The following CD163 variants were observed in gnomAD, a reference collection of about 807,000 sequenced individuals.
CD163 encodes the protein scavenger receptor cysteine-rich type 1 protein M130.
In CD163, 64 loss-of-function variants were observed where a neutral mutation model predicts 129.2. That is an observed-to-expected ratio of 0.50 (90% CI 0.41 to 0.61). The LOEUF is 0.61. Ranked by LOEUF, CD163 falls within the 20% of genes least tolerant of loss-of-function variation. The pLI is 0.00. For synonymous variants in CD163, 446 were observed against 478.5 expected, an observed-to-expected ratio of 0.93 and a Z score of 0.89; for missense variants, 1,061 against 1,377.9, an observed-to-expected ratio of 0.77 and a Z score of 3.64.
chr12:7,486,931 C>A lies in CD163; in HGVS notation c.2106G>T (p.Arg702Ser). Residue 702 changes from arginine to serine, a missense_variant, in exon 9 of 17, where the codon AGG becomes AGT. Transcript: ENST00000432237. ...CAGCACTTTCTTCTGGAATGGTAGG[C>A]CTTGTTGGGCCCAAAGACGATGAAT... ...SCNSSSLGPT[R>S]PTIPEESAVA... The A allele has an allele frequency of 6.2e-7, 1 of 1,614,128 alleles. No individual in the cohort carries two copies. Among genetic ancestry groups the A allele is most frequent in the South Asian group, 1.1e-5 (1 of 91,078 alleles).
intron 14 of CD163, among the ~76,000 whole-genome samples, chr12:7,481,483 G>C (rs1949161578): frequency 6.6e-6 from 1 of 152,138 alleles, no homozygotes; most frequent in South Asian, 2.1e-4. Context: ...ACAACCCACT[G>C]TTTTTACCCA....
At chr12:7,500,034 T>C (rs1270140369) in intron 3 of CD163, among the ~76,000 whole-genome samples, 2 of 152,214 alleles carry the variant, frequency 1.3e-5, no homozygotes, top group Non-Finnish European at 2.9e-5. Flanking sequence ...GTGTTTCTCT[T>C]ATCACATCAT....
In CD163 at chr12:7,487,623, C is replaced by G. The variant is rs1223976908; in HGVS notation, c.1786G>C (p.Val596Leu). 1 of 1,614,210 alleles carries G rather than the reference C, an allele frequency of 6.2e-7. No individual in the cohort carries two copies. The highest frequency in any genetic ancestry group is 2.2e-5 in the East Asian group (1 of 44,876). Residue 596 changes from valine to leucine, a missense_variant, in exon 8 of 17, where the codon GTG (valine) becomes CTG (leucine). Transcript: ENST00000432237. The surrounding 1 kb of genome is among the most constrained non-coding windows in gnomAD (Gnocchi z 5.1). ...CAGGCACCAAGCGTTTTGAGCTCCA[C>G]TCTGCCCTCACACGGGGTCTTGCCA... ...VNGKTPCEGR[V>L]ELKTLGAWGS...
At position 7,496,296 on chromosome 12, in the gene CD163, G is replaced by A. The variant is rs1949400698; in HGVS notation, c.1099+517C>T. On this transcript the variant is annotated intron_variant, in intron 5 of 16. Transcript: ENST00000432237. This position sits in a 1 kb window ranked among gnomAD's most constrained non-coding sequence, Gnocchi z 4.8. ...GAACAATGAGAACACACGGACACAG[G>A]GAGGGGAACATCACACACTGGGGCC... Among the ~76,000 whole-genome samples, 1 of 151,978 alleles carries A rather than the reference G, an allele frequency of 6.6e-6. No homozygotes were observed. The highest frequency in any genetic ancestry group is 2.4e-5 in the African/African-American group (1 of 41,354).
chr12:7,498,748 A>T (rs1949436924), intron 4 of CD163, 120 bp downstream of exon 4: 6 of 981,928 alleles, frequency 6.1e-6, no homozygotes, highest in Non-Finnish European at 9.0e-6. Context: ...AGTTAGGTTA[A>T]AATGCGGTGA....
chr12:7,497,009 A>C lies in CD163; in HGVS notation c.903T>G (p.Ala301=). The part of the protein sequence containing the change: ...CDDGWDSYDA[A]VACKQLGCPT... ...GACATCCCAGTTGCTTGCATGCCAC[A>C]GCAGCATCGTAACTGTCCCAGCCGT... Residue 301 remains alanine, a synonymous_variant, in exon 5 of 17, where the codon GCT becomes GCG. Coordinates refer to ENST00000432237, the MANE Select transcript of CD163 (RefSeq NM_203416.4). 1.2e-6 allele frequency: 2 copies of C among 1,614,118 alleles called. No homozygotes were observed. The highest frequency in any genetic ancestry group is 1.7e-6 in the Non-Finnish European group (2 of 1,180,004).
At position 7,485,464 on chromosome 12, in the gene CD163, CAG is replaced by C; in HGVS notation, c.2459-50_2459-49del. 1 of 1,464,778 alleles carries C rather than the reference CAG, an allele frequency of 6.8e-7. No homozygotes were observed. The highest frequency in any genetic ancestry group is 9.5e-7 in the Non-Finnish European group (1 of 1,057,460). 90.7% of individuals were successfully genotyped at this position (1,464,778 alleles called of 1,614,324 possible). A position where few individuals can be genotyped will look rare whatever the true frequency, so the allele number is the denominator to read the frequency against. ...TAGTTTTGCATCTTTTCTGAAGATT[CAG>C]AGACTCCTTCCCTTTACCTTGATGT... On this transcript the variant is annotated intron_variant, in intron 10 of 16. Coordinates refer to ENST00000432237, the MANE Select transcript of CD163 (RefSeq NM_203416.4). This position sits in a 1 kb window ranked among gnomAD's most constrained non-coding sequence, Gnocchi z 4.5.
chr12:7,490,571 TC>T, intron 6 of CD163, among the ~76,000 whole-genome samples: 1 of 152,148 alleles, frequency 6.6e-6, no homozygotes, highest in East Asian at 1.9e-4. Flanking sequence ...ATACCTGCTA[TC>T]AAATATCAAC....
chr12:7,478,226 G>A (rs1949114746), intron 16 of CD163, among the ~76,000 whole-genome samples: 2 of 152,064 alleles, frequency 1.3e-5, no homozygotes, highest in South Asian at 4.2e-4. Flanking sequence ...GAATTATTGG[G>A]TCAAAGGGTC....
In CD163 at chr12:7,498,896, A is replaced by G. The variant is rs1949439307; in HGVS notation, c.750T>C (p.His250=). 6.2e-7 allele frequency: 1 copy of G among 1,613,978 alleles called. No individual in the cohort carries two copies. Among genetic ancestry groups the G allele is most frequent in the Non-Finnish European group, 8.5e-7 (1 of 1,179,988 alleles). Residue 250 remains histidine, a synonymous_variant, in exon 4 of 17, where the codon CAT becomes CAC. Transcript: ENST00000432237. The part of the protein sequence containing the change: ...HQGWGKHNCD[H]AEDAGVICSK... ...AGCAAATCACTCCAGCATCCTCAGC[A>G]TGATCACAGTTATGCTTTCCCCATC... is the stretch of plus-strand genomic sequence containing the variant.
Position 7,483,050 on chromosome 12 carries a change from ATAGAACAAGC to A in CD163, c.3089-56_3089-47del, listed in dbSNP as rs745619859. 3.2e-6 allele frequency: 5 copies of A among 1,581,324 alleles called. No homozygotes were observed. In the African/African-American group the frequency reaches 6.7e-5, roughly 21 times the overall value. ...AGAGGGTTAATTCTTTGCATGATATATAGAACAAGCCTTCTGATTTCCTTGTCTGACCCCT... is the reference window on the plus strand; with the variant it reads ...AGAGGGTTAATTCTTTGCATGATATACTTCTGATTTCCTTGTCTGACCCCT... On this transcript the variant is annotated intron_variant, in intron 12 of 16. Coordinates refer to ENST00000432237, the MANE Select transcript of CD163 (RefSeq NM_203416.4).
intron 15 of CD163, chr12:7,480,893 G>T: frequency 9.2e-7 from 1 of 1,084,980 alleles, no homozygotes; most frequent in African/African-American, 1.6e-5. Flanking sequence ...AATAAAATGA[G>T]GTCCAAGTCA....
intron 16 of CD163, 47 bp downstream of exon 16, chr12:7,479,813 G>A: frequency 1.3e-6 from 2 of 1,583,112 alleles, no homozygotes; most frequent in Non-Finnish European, 1.7e-6. Flanking sequence ...GTCCTCAAAA[G>A]GAATGCAGCT....
chr12:7,485,028 T>C lies in CD163; in HGVS notation c.2779+68A>G. The C allele has an allele frequency of 5.3e-6, 7 of 1,327,344 alleles. No individual in the cohort carries two copies. The highest frequency in any genetic ancestry group is 6.2e-6 in the Non-Finnish European group (6 of 968,764). 82.2% of individuals were successfully genotyped at this position (1,327,344 alleles called of 1,614,324 possible). A position where few individuals can be genotyped will look rare whatever the true frequency, so the allele number is the denominator to read the frequency against. ...GTGAGAATAGGAAAATAAAATCCAG[T>C]GTCCATTATCAGAAGATGATAGCGG... On this transcript the variant is annotated intron_variant, in intron 11 of 16. Transcript: ENST00000432237. This position sits in a 1 kb window ranked among gnomAD's most constrained non-coding sequence, Gnocchi z 4.5.
chr12:7,494,096 T>C (rs1012422788), intron 6 of CD163, among the ~76,000 whole-genome samples: 17 of 152,230 alleles, frequency 1.1e-4, no homozygotes, highest in African/African-American at 3.1e-4. Context: ...GATTTGTTTG[T>C]ATTTTCTTGT....
chr12:7,482,350 T>C (rs1949173160), intron 14 of CD163, among the ~76,000 whole-genome samples: 2 of 152,134 alleles, frequency 1.3e-5, no homozygotes, highest in Admixed American at 1.3e-4. Context: ...TCCTCTGAAA[T>C]CTTATTCCCT....
In CD163 at chr12:7,495,379, T is replaced by C. The variant is rs1362628036; in HGVS notation, c.1122A>G (p.Arg374=). 1 of 1,613,904 alleles carries C rather than the reference T, an allele frequency of 6.2e-7. No homozygotes were observed. Among genetic ancestry groups the C allele is most frequent in the Non-Finnish European group, 8.5e-7 (1 of 1,179,970 alleles). The change falls in exon 6 of 17, where the codon AGA becomes AGG. Residue 374 remains arginine, a synonymous_variant. Transcript: ENST00000432237. ...TCSDGSDLEL[R]LRGGGSRCAG... ...CACAGCGGCTGCCTCCACCTCTAAG[T>C]CTTAGCTCCAGATCTGATCCATCTG...
At chr12:7,489,970 C>T (rs1277178857) in intron 6 of CD163, among the ~76,000 whole-genome samples, 1 of 152,034 alleles carries the variant, frequency 6.6e-6, no homozygotes, top group Non-Finnish European at 1.5e-5. Flanking sequence ...TTTCTCTCTA[C>T]TTAAAATTTA....
In CD163 at chr12:7,486,624, G is replaced by C. The variant is rs375516469; in HGVS notation, c.2333C>G (p.Thr778Arg). The C allele has an allele frequency of 1.5e-4, 249 of 1,614,124 alleles. 3 individuals carry two copies. The South Asian group carries it at 2.5e-3, about 16-fold the overall frequency. The change falls in exon 10 of 17, where the codon ACA becomes AGA. Residue 778 changes from threonine (T) to arginine (R), a missense_variant. Transcript: ENST00000432237. The part of the protein sequence containing the change: ...ATGSAHFGEG[T>R]GPIWLDEMKC... ...CATCTCATCCAGCCAGATGGGCCCT[G>C]TTCCTTCCCCAAAATGAGCAGAACC...
Sources: gnomAD v4.1 joint callset for allele counts (sites outside exome capture counted in the v4.1 genomes callset) on GRCh38, gnomAD v4.1.1 for gene constraint, Gnocchi (gnomAD v3.1) non-coding constraint, MANE v1.5 for transcripts, NCBI Gene and HGNC (gene_info 2026-07-23, HGNC 2026-07-21) for gene names.